The following NELL1 variants were observed in gnomAD, a reference collection of about 807,000 sequenced individuals.
NELL1 encodes the protein protein kinase C-binding protein NELL1.
A neutral mutation model predicts 107.4 loss-of-function variants in NELL1; 76 were observed. The observed-to-expected ratio is 0.71, with a 90% confidence interval of 0.59 to 0.86. The LOEUF is 0.86. NELL1 is among the 40% of genes least tolerant of loss of function. The pLI is 0.00. For synonymous variants in NELL1, 353 were observed against 341.2 expected (o/e 1.03, Z -0.38); for missense variants, 1,024 against 1,005.5 (o/e 1.02, Z -0.25).
chr11:20,798,513 AACT>A (rs1326887147), intron 3 of NELL1, among the ~76,000 whole-genome samples: 3 of 97,860 alleles, frequency 3.1e-5, no homozygotes, highest in East Asian at 1.6e-3. Context: ...AATTTAAAAA[AACT>A]CTTCTTTGAC....
chr11:21,127,140 G>C lies in NELL1; in HGVS notation c.1426+13426G>C, dbSNP rs187499321. On this transcript the variant is annotated intron_variant, in intron 13 of 19. Transcript: ENST00000357134. ...AAGACTGGTCTAGGTTGGACACAAG[G>C]ATGGAGTCTTTGGCACTCAGGAAAT... Among the ~76,000 whole-genome samples, 7 of 152,264 alleles carry C rather than the reference G, an allele frequency of 4.6e-5. No homozygotes were observed. The East Asian group carries it at 1.4e-3, about 29-fold the overall frequency.
At chr11:20,816,915 T>C (rs1296626788) in intron 3 of NELL1, among the ~76,000 whole-genome samples, 1 of 152,202 alleles carries the variant, frequency 6.6e-6, no homozygotes, top group Non-Finnish European at 1.5e-5. Flanking sequence ...ATTTTTGTTT[T>C]TAGTTTTGTT....
chr11:20,862,831 A>T (rs1160362947), intron 4 of NELL1, among the ~76,000 whole-genome samples: 2 of 152,090 alleles, frequency 1.3e-5, no homozygotes, highest in African/African-American at 2.4e-5. Flanking sequence ...GCCTTCAAGC[A>T]TCTGTTCAAC....
intron 13 of NELL1, among the ~76,000 whole-genome samples, chr11:21,162,140 G>A (rs1856386473): frequency 6.6e-6 from 1 of 151,722 alleles, no homozygotes; most frequent in African/African-American, 2.4e-5. Flanking sequence ...TAGTAGAGAC[G>A]GGATTTCACC....
At chr11:20,931,421 T>C (rs1850615709) in intron 9 of NELL1, among the ~76,000 whole-genome samples, 1 of 152,212 alleles carries the variant, frequency 6.6e-6, no homozygotes, top group Non-Finnish European at 1.5e-5. Flanking sequence ...AGAAACATGG[T>C]AGAGTATATT....
At position 21,419,325 on chromosome 11, in the gene NELL1, A is replaced by G. The variant is rs897425996; in HGVS notation, c.1645+48377A>G. Among the ~76,000 whole-genome samples, 15 of 152,128 alleles carry G rather than the reference A, an allele frequency of 9.9e-5. 1 individual carries two copies. Among genetic ancestry groups the G allele is most frequent in the East Asian group, 7.7e-4 (4 of 5,192 alleles). On this transcript the variant is annotated intron_variant, in intron 15 of 19. Coordinates refer to ENST00000357134, the MANE Select transcript of NELL1 (RefSeq NM_006157.5). The stretch of plus-strand genomic sequence containing the variant: ...CCGTTGCAAGTTCTGAAATTGCCAT[A>G]TTAAATTGGAAAAAAAATTCTATCA...
chr11:20,975,872 T>C (rs1453738409), intron 12 of NELL1, among the ~76,000 whole-genome samples: 1 of 118,834 alleles, frequency 8.4e-6, no homozygotes, highest in Non-Finnish European at 1.8e-5. Flanking sequence ...GTATTATATA[T>C]ACACATACAT....
At chr11:20,865,347 G>T (rs1278765561) in intron 4 of NELL1, among the ~76,000 whole-genome samples, 1 of 152,184 alleles carries the variant, frequency 6.6e-6, no homozygotes, top group Non-Finnish European at 1.5e-5. Context: ...TAACCAAAAT[G>T]TCACCTCCTT....
At chr11:21,233,239 G>A (rs1026843369) in intron 14 of NELL1, among the ~76,000 whole-genome samples, 10 of 152,186 alleles carry the variant, frequency 6.6e-5, no homozygotes, top group Admixed American at 2.0e-4. Flanking sequence ...CTTGATGTGT[G>A]TATTCATATA....
intron 14 of NELL1, among the ~76,000 whole-genome samples, chr11:21,370,068 G>T (rs1286894187): frequency 6.6e-6 from 1 of 151,524 alleles, no homozygotes; most frequent in East Asian, 1.9e-4. Context: ...ATTTACAATT[G>T]TATTTACTAT....
chr11:21,511,404 G>A (rs769250563), intron 15 of NELL1, among the ~76,000 whole-genome samples: 14 of 152,150 alleles, frequency 9.2e-5, no homozygotes, highest in African/African-American at 3.4e-4. Flanking sequence ...CACTAAGCCT[G>A]CCATTCTCAC....
intron 2 of NELL1, among the ~76,000 whole-genome samples, chr11:20,691,815 G>T: frequency 6.6e-6 from 1 of 152,076 alleles, no homozygotes; most frequent in Admixed American, 6.6e-5. Context: ...AGTTAGGGAG[G>T]ATTCCCTCTT....
chr11:21,018,760 G>C (rs1197770547), intron 12 of NELL1, among the ~76,000 whole-genome samples: 1 of 152,096 alleles, frequency 6.6e-6, no homozygotes, highest in Non-Finnish European at 1.5e-5. Flanking sequence ...AGCTGCACTT[G>C]GAAATTTTTA....
chr11:21,074,562 T>C (rs888779879), intron 12 of NELL1, among the ~76,000 whole-genome samples: 2 of 152,100 alleles, frequency 1.3e-5, no homozygotes, highest in African/African-American at 4.8e-5. Flanking sequence ...AGAGTAGTGA[T>C]TCATAACTCT....
In NELL1 at chr11:20,712,837, G is replaced by T. The variant is rs11493402; in HGVS notation, c.184+34777G>T. Among the ~76,000 whole-genome samples, 1,360 of 152,318 alleles carry T rather than the reference G, an allele frequency of 8.9e-3. 12 individuals are homozygous for T. The highest frequency in any genetic ancestry group is 0.031 in the African/African-American group (1,296 of 41,572). On this transcript the variant is annotated intron_variant, in intron 2 of 19. Coordinates refer to ENST00000357134, the MANE Select transcript of NELL1 (RefSeq NM_006157.5). ...AGTCCTGTGATATGATCCATCTTCA[G>T]GTCTCCCAGCTGTGGATACCAGCAC... is the stretch of plus-strand genomic sequence containing the variant.
chr11:21,147,344 A>C (rs1252333839), intron 13 of NELL1, among the ~76,000 whole-genome samples: 2 of 152,126 alleles, frequency 1.3e-5, no homozygotes, highest in African/African-American at 4.8e-5. Flanking sequence ...CATTCCCCAA[A>C]TTTGTTTTCT....
chr11:21,440,415 C>T (rs956130910), intron 15 of NELL1, among the ~76,000 whole-genome samples: 1 of 151,876 alleles, frequency 6.6e-6, no homozygotes, highest in African/African-American at 2.4e-5. Flanking sequence ...TATTTATCTG[C>T]ATTTAAAAGT....
At chr11:20,970,232 T>A (rs570015548) in intron 12 of NELL1, among the ~76,000 whole-genome samples, 7 of 152,228 alleles carry the variant, frequency 4.6e-5, no homozygotes, top group African/African-American at 1.7e-4. Flanking sequence ...GTTGTCTAGG[T>A]GAGTGGCAGC....
intron 3 of NELL1, among the ~76,000 whole-genome samples, chr11:20,791,737 T>G (rs1462180514): frequency 2.0e-5 from 3 of 151,598 alleles, no homozygotes; most frequent in East Asian, 1.9e-4. Flanking sequence ...GAGGTTTTTT[T>G]TTTTTTTTTT....
Sources: allele counts gnomAD v4.1 joint callset (sites outside exome capture counted in the v4.1 genomes callset), GRCh38; gene constraint gnomAD v4.1.1; transcripts MANE v1.5; gene names NCBI Gene and HGNC (gene_info 2026-07-23, HGNC 2026-07-21).